Variants in RERE observed in about 807,000 individuals in gnomAD.
The protein encoded by RERE is arginine-glutamic acid dipeptide repeats protein.
A neutral mutation model predicts 146.1 loss-of-function variants in RERE; 40 were observed. The observed-to-expected ratio is 0.27, with a 90% CI of 0.21 to 0.36. The LOEUF (loss-of-function observed/expected upper bound fraction) is 0.36, where lower values mean the gene tolerates loss of function less well. RERE is among the 10% of genes least tolerant of loss of function. The pLI, the probability that RERE is intolerant of heterozygous loss-of-function variation, is 1.00. For missense variants in RERE, 1,933 were observed against 2,138.7 expected (o/e 0.90, Z 1.90); for synonymous variants, 1,003 against 866.0 (o/e 1.16, Z -2.78).
chr1:8,729,427 G>A (rs1280823250), intron 1 of RERE, among the ~76,000 whole-genome samples: 2 of 151,458 alleles, frequency 1.3e-5, no homozygotes, highest in Non-Finnish European at 2.9e-5. Context: ...GTTTCACCAC[G>A]TTGGCCAGGC....
chr1:8,691,046 C>T (rs1045015277), intron 1 of RERE, among the ~76,000 whole-genome samples: 3 of 152,146 alleles, frequency 2.0e-5, no homozygotes, highest in South Asian at 2.1e-4. Flanking sequence ...TATAGGCGCG[C>T]ACCACCACGC....
chr1:8,709,795 T>C (rs1639631200), intron 1 of RERE, among the ~76,000 whole-genome samples: 1 of 152,212 alleles, frequency 6.6e-6, no homozygotes, highest in Non-Finnish European at 1.5e-5. Context: ...TCTTTGTGCA[T>C]ACATGTATTT....
intron 4 of RERE, among the ~76,000 whole-genome samples, chr1:8,577,572 C>T (rs1484179149): frequency 6.6e-6 from 1 of 152,268 alleles, no homozygotes; most frequent in East Asian, 1.9e-4. Flanking sequence ...TACTCCTTGG[C>T]CCCCCATACT....
intron 7 of RERE, among the ~76,000 whole-genome samples, chr1:8,510,312 G>A (rs1645317818): frequency 6.6e-6 from 1 of 152,038 alleles, no homozygotes; most frequent in Admixed American, 6.6e-5. Context: ...GAGATAATAG[G>A]CCTAGCAGCA....
intron 1 of RERE, among the ~76,000 whole-genome samples, chr1:8,755,450 T>C (rs952213671): frequency 6.6e-6 from 1 of 152,092 alleles, no homozygotes; most frequent in Non-Finnish European, 1.5e-5. Context: ...AGATCTGTTG[T>C]TTATACAAGT....
chr1:8,705,161 G>A (rs983924720), intron 1 of RERE, among the ~76,000 whole-genome samples: 1 of 152,168 alleles, frequency 6.6e-6, no homozygotes, highest in Non-Finnish European at 1.5e-5. Flanking sequence ...ATAGTGAGTT[G>A]GAAAAGGCTG....
intron 15 of RERE, 77 bp downstream of exon 15, chr1:8,363,979 C>G (rs9628991): frequency 0.19 from 261,762 of 1,365,992 alleles, 27,927 homozygotes; most frequent in African/African-American, 0.37. Flanking sequence ...GCTTCCTCCC[C>G]CTGGGAGGCT....
At chr1:8,416,411 C>G (rs1471928468) in intron 12 of RERE, among the ~76,000 whole-genome samples, 1 of 151,650 alleles carries the variant, frequency 6.6e-6, no homozygotes, top group African/African-American at 2.4e-5. Flanking sequence ...TGGTGAAAAC[C>G]CCGTCTCTAC....
At chr1:8,701,116 C>T (rs563411751) in intron 1 of RERE, among the ~76,000 whole-genome samples, 21 of 152,246 alleles carry the variant, frequency 1.4e-4, no homozygotes, top group African/African-American at 5.1e-4. Flanking sequence ...AACAGCTGTA[C>T]ACAGTTGCAC....
chr1:8,476,991 T>C (rs1644765087), intron 10 of RERE, among the ~76,000 whole-genome samples: 1 of 152,236 alleles, frequency 6.6e-6, no homozygotes, highest in African/African-American at 2.4e-5. Flanking sequence ...TTAAGCCACA[T>C]TCCCCACGCC....
intron 1 of RERE, among the ~76,000 whole-genome samples, chr1:8,694,974 G>GGGT (rs147476291): frequency 3.7e-5 from 1 of 26,870 alleles, no homozygotes; most frequent in African/African-American, 1.9e-4. Context: ...GAAATCCTAA[G>GGGT]GGGGGGGGGG....
At chr1:8,650,383 T>C in intron 2 of RERE, among the ~76,000 whole-genome samples, 1 of 152,240 alleles carries the variant, frequency 6.6e-6, no homozygotes, top group South Asian at 2.1e-4. Context: ...TTCTGAGTAG[T>C]AAAACCAATT....
At chr1:8,626,868 C>CT (rs1266258656) in intron 2 of RERE, among the ~76,000 whole-genome samples, 2 of 152,222 alleles carry the variant, frequency 1.3e-5, no homozygotes, top group African/African-American at 4.8e-5. Context: ...TTTCCTCATT[C>CT]TTTAACTCTT....
intron 4 of RERE, among the ~76,000 whole-genome samples, chr1:8,577,703 C>T (rs1169436645): frequency 6.6e-6 from 1 of 152,130 alleles, no homozygotes; most frequent in Non-Finnish European, 1.5e-5. Flanking sequence ...ATATTCCACT[C>T]AATGCTACCT....
At chr1:8,741,651 A>G (rs1640312501) in intron 1 of RERE, among the ~76,000 whole-genome samples, 1 of 152,120 alleles carries the variant, frequency 6.6e-6, no homozygotes, top group Non-Finnish European at 1.5e-5. Context: ...TTCACCTTCC[A>G]CCATGATTGT....
At chr1:8,748,026 C>T (rs1218284880) in intron 1 of RERE, among the ~76,000 whole-genome samples, 2 of 152,156 alleles carry the variant, frequency 1.3e-5, no homozygotes, top group Non-Finnish European at 2.9e-5. Context: ...GATCCGCCCA[C>T]CTCAGCCTCC....
intron 1 of RERE, among the ~76,000 whole-genome samples, chr1:8,762,449 T>C (rs1455873193): frequency 6.6e-6 from 1 of 152,188 alleles, no homozygotes; most frequent in Non-Finnish European, 1.5e-5. Context: ...TGTGCCCATT[T>C]ACTTAATTTT....
intron 4 of RERE, among the ~76,000 whole-genome samples, chr1:8,599,404 T>G (rs1324246365): frequency 1.3e-5 from 2 of 152,186 alleles, no homozygotes; most frequent in African/African-American, 2.4e-5. Context: ...CGCAAATATA[T>G]TTGATGTTTT....
intron 6 of RERE, among the ~76,000 whole-genome samples, chr1:8,552,846 A>G (rs1570429278): frequency 6.6e-6 from 1 of 151,862 alleles, no homozygotes; most frequent in South Asian, 2.1e-4. Context: ...GTGCGTCCAC[A>G]CACACGTGTG....
Sources: allele counts gnomAD v4.1 joint callset (sites outside exome capture counted in the v4.1 genomes callset), GRCh38; gene constraint gnomAD v4.1.1; transcripts MANE v1.5; gene names NCBI Gene and HGNC (gene_info 2026-07-23, HGNC 2026-07-21).